The following SLC12A7 variants were observed in gnomAD, a reference collection of about 807,000 sequenced individuals.
SLC12A7 encodes the protein K-Cl cotransporter 4.
In SLC12A7, 100 loss-of-function variants were observed where a neutral mutation model predicts 120.6. That is an observed-to-expected ratio of 0.83 (90% CI 0.71 to 0.98). The LOEUF (loss-of-function observed/expected upper bound fraction) is 0.98. Ranked by LOEUF, SLC12A7 falls within the 50% of genes least tolerant of loss-of-function variation. The pLI, the probability that SLC12A7 is intolerant of heterozygous loss-of-function variation, is 0.00. For synonymous variants in SLC12A7, 760 were observed against 678.0 expected (o/e 1.12, Z -1.88); for missense variants, 1,373 against 1,548.1 (o/e 0.89, Z 1.90).
At chr5:1,126,101 T>C in the SLC12A7 span, among the ~76,000 whole-genome samples, 1 of 152,144 alleles carries the variant, frequency 6.6e-6, no homozygotes, top group East Asian at 1.9e-4. Flanking sequence ...TATTTTATTA[T>C]TTTTTGAGAC....
chr5:1,056,116 G>A (rs1735580442), intron 22 of SLC12A7, among the ~76,000 whole-genome samples: 1 of 152,178 alleles, frequency 6.6e-6, no homozygotes, highest in Non-Finnish European at 1.5e-5. Context: ...GGTAGCTCCT[G>A]CCGAGGGTCC....
the SLC12A7 span, among the ~76,000 whole-genome samples, chr5:1,134,151 T>C: frequency 1.3e-5 from 2 of 152,216 alleles, no homozygotes; most frequent in African/African-American, 4.8e-5. Flanking sequence ...TCTGCAATTC[T>C]GGGACAGCTA....
chr5:1,104,467 A>C (rs577712302), intron 1 of SLC12A7, among the ~76,000 whole-genome samples: 1 of 152,294 alleles, frequency 6.6e-6, no homozygotes, highest in East Asian at 1.9e-4. Context: ...CAGACACACA[A>C]ACCAGGCATG....
chr5:1,075,734 C>T (rs1738257625), intron 14 of SLC12A7, among the ~76,000 whole-genome samples: 1 of 152,238 alleles, frequency 6.6e-6, no homozygotes, highest in African/African-American at 2.4e-5. Flanking sequence ...AGCGTGCACA[C>T]AGCACCTCGG....
the SLC12A7 span, among the ~76,000 whole-genome samples, chr5:1,129,179 C>T: frequency 3.9e-5 from 6 of 152,184 alleles, no homozygotes; most frequent in African/African-American, 1.4e-4. Flanking sequence ...CCTAGACACA[C>T]GAGGACACCC....
chr5:1,142,880 G>A, the SLC12A7 span, among the ~76,000 whole-genome samples: 1 of 152,002 alleles, frequency 6.6e-6, no homozygotes, highest in Admixed American at 6.5e-5. Context: ...CTCAGGGGAG[G>A]TAAGGGGGAG....
rs1214944921 is a variant in SLC12A7 at position 1,104,424 on chromosome 5, C to G, written c.124+7444G>C. Among the ~76,000 whole-genome samples, 6 of 152,348 alleles carry G rather than the reference C, an allele frequency of 3.9e-5. No homozygotes were observed. The East Asian group carries it at 1.2e-3, about 29-fold the overall frequency. On this transcript the variant is annotated intron_variant, in intron 1 of 23. Coordinates refer to ENST00000264930, the MANE Select transcript of SLC12A7 (RefSeq NM_006598.3). ...AGGAACGCTGGGAGGGCCAGCGGGGCTACCCCACCATGAGGACAGCTCCAG... is the reference window on the plus strand; with the variant it reads ...AGGAACGCTGGGAGGGCCAGCGGGGGTACCCCACCATGAGGACAGCTCCAG...
At chr5:1,137,048 C>T in the SLC12A7 span, among the ~76,000 whole-genome samples, 1 of 152,094 alleles carries the variant, frequency 6.6e-6, no homozygotes, top group Non-Finnish European at 1.5e-5. Context: ...CACTCCAACA[C>T]CAGGACACAC....
chr5:1,112,879 C>CA (rs201295556), upstream of SLC12A7, among the ~76,000 whole-genome samples: 189 of 133,730 alleles, frequency 1.4e-3, 4 homozygotes, highest in East Asian at 0.043. Context: ...AGTCCCCCCC[C>CA]CCACCCATGA....
At chr5:1,089,689 G>A (rs1353583341) in intron 3 of SLC12A7, among the ~76,000 whole-genome samples, 1 of 152,226 alleles carries the variant, frequency 6.6e-6, no homozygotes, top group African/African-American at 2.4e-5. Context: ...TATCCACGTG[G>A]GGGCCACCCC....
chr5:1,117,043 C>T (rs556055185), upstream of SLC12A7, among the ~76,000 whole-genome samples: 30 of 152,158 alleles, frequency 2.0e-4, no homozygotes, highest in East Asian at 3.9e-4. The surrounding 1 kb of genome is among the most constrained non-coding windows in gnomAD (Gnocchi z 4.5). Context: ...ATGCCGCCCC[C>T]GACCCCAGCA....
the SLC12A7 span, among the ~76,000 whole-genome samples, chr5:1,129,104 C>T: frequency 4.6e-5 from 7 of 152,338 alleles, no homozygotes; most frequent in South Asian, 1.0e-3. Flanking sequence ...AGAAGTCCCT[C>T]TCCTCAAACC....
At chr5:1,137,537 C>T in the SLC12A7 span, among the ~76,000 whole-genome samples, 1 of 152,194 alleles carries the variant, frequency 6.6e-6, no homozygotes, top group Admixed American at 6.5e-5. Flanking sequence ...CTTCCCCCTC[C>T]TCCTCAACCT....
chr5:1,147,850 G>A, the SLC12A7 span, among the ~76,000 whole-genome samples: 1 of 152,032 alleles, frequency 6.6e-6, no homozygotes, highest in African/African-American at 2.4e-5. Context: ...TGGAGCCTCA[G>A]CTTCCCAAGC....
intron 8 of SLC12A7, 44 bp downstream of exon 8, chr5:1,083,701 C>T: frequency 1.3e-6 from 2 of 1,579,238 alleles, no homozygotes; most frequent in Non-Finnish European, 1.7e-6. Context: ...GCGCCTGCTG[C>T]CCCCGCCACC....
At chr5:1,092,403 G>A (rs897002633) in intron 3 of SLC12A7, among the ~76,000 whole-genome samples, 2 of 152,188 alleles carry the variant, frequency 1.3e-5, no homozygotes, top group South Asian at 2.1e-4. Context: ...CAGCAGGGGG[G>A]CCCACCCTCC....
In SLC12A7 at chr5:1,086,966, G is replaced by A; in HGVS notation, c.612C>T (p.Cys204=). Residue 204 remains cysteine (C), a synonymous_variant, in exon 6 of 24, where the codon TGC becomes TGT. Coordinates refer to ENST00000264930, the MANE Select transcript of SLC12A7 (RefSeq NM_006598.3). ...CTGCAAACGTCGTGCCCAGGTAGAA[G>A]CAGAGGCCGACAGCGCCTCCAAACT... ...GPEFGGAVGL[C]FYLGTTFAGA... is the part of the protein sequence containing the mutation. 1 of 1,612,880 alleles carries A rather than the reference G, an allele frequency of 6.2e-7. No individual in the cohort carries two copies. The highest frequency in any genetic ancestry group is 1.7e-5 in the Admixed American group (1 of 60,022).
intron 1 of SLC12A7, among the ~76,000 whole-genome samples, chr5:1,107,550 C>T (rs1338071332): frequency 6.6e-6 from 1 of 152,194 alleles, no homozygotes; most frequent in South Asian, 2.1e-4. Flanking sequence ...GCAAGGTCTC[C>T]GACATTCACC....
At position 1,065,299 on chromosome 5, in the gene SLC12A7, G is replaced by A. The variant is rs764531351; in HGVS notation, c.2421C>T (p.Ser807=). The A allele has an allele frequency of 2.5e-6, 4 of 1,569,860 alleles. No individual in the cohort carries two copies. Among genetic ancestry groups the A allele is most frequent in the South Asian group, 2.3e-5 (2 of 85,730 alleles). Residue 807 remains serine (S), a synonymous_variant, in exon 18 of 24, where the codon TCC becomes TCT. Transcript: ENST00000264930. ...CATGCCTACCCACAAAGTTCTTCCA[G>A]GAGAAGGGGTTGTCCTCCTGCTTCC... is the stretch of plus-strand genomic sequence containing the variant. The part of the protein sequence containing the change: ...ASWKQEDNPF[S]WKNFVDTVRD...
Sources: gnomAD v4.1 joint callset for allele counts (sites outside exome capture counted in the v4.1 genomes callset) on GRCh38, gnomAD v4.1.1 for gene constraint, Gnocchi (gnomAD v3.1) non-coding constraint, MANE v1.5 for transcripts, NCBI Gene and HGNC (gene_info 2026-07-23, HGNC 2026-07-21) for gene names.